The following TMCO5A variants were observed in gnomAD, a reference collection of about 807,000 sequenced individuals.
The protein encoded by TMCO5A is transmembrane and coiled-coil domain-containing protein 5A.
Under a neutral mutation model 42.3 loss-of-function variants are expected in TMCO5A, and 34 were observed. The ratio of observed to expected loss-of-function variants is 0.80; its 90% CI spans 0.61 to 1.07. The LOEUF (loss-of-function observed/expected upper bound fraction) is 1.07. Ranked by LOEUF, TMCO5A falls within the 50% of genes least tolerant of loss-of-function variation. TMCO5A has a pLI of 0.00. For missense variants in TMCO5A, 357 were observed against 327.9 expected, an observed-to-expected ratio of 1.09 and a Z score of -0.69; for synonymous variants, 131 against 115.6, an observed-to-expected ratio of 1.13 and a Z score of -0.86.
chr15:37,966,992 A>G (rs574598535), exon 12 of TMCO5A: 1 of 307,194 alleles, frequency 3.3e-6, no homozygotes, highest in Non-Finnish European at 6.0e-6. Context: ...GCAAAAGCAG[A>G]GGTCTACTTC....
At chr15:38,018,583 G>A in the TMCO5A span, among the ~76,000 whole-genome samples, 1 of 151,874 alleles carries the variant, frequency 6.6e-6, no homozygotes. Context: ...AGATGTAAAT[G>A]ATTAAAGATA....
At chr15:37,963,640 T>G (rs945388424) in intron 11 of TMCO5A, among the ~76,000 whole-genome samples, 5 of 152,168 alleles carry the variant, frequency 3.3e-5, no homozygotes, top group African/African-American at 1.2e-4. Flanking sequence ...TCTACTGCTG[T>G]CAGTGGAGTA....
intron 11 of TMCO5A, among the ~76,000 whole-genome samples, chr15:37,958,482 T>A (rs962416625): frequency 1.6e-4 from 24 of 152,002 alleles, no homozygotes; most frequent in Admixed American, 1.5e-3. Context: ...CCAACAAACA[T>A]GAAAAAAAGC....
the TMCO5A span, among the ~76,000 whole-genome samples, chr15:38,018,586 T>A: frequency 6.6e-6 from 1 of 151,962 alleles, no homozygotes; most frequent in South Asian, 2.1e-4. Flanking sequence ...TGTAAATGAT[T>A]AAAGATAAAT....
At chr15:38,031,604 T>A in the TMCO5A span, among the ~76,000 whole-genome samples, 2 of 152,126 alleles carry the variant, frequency 1.3e-5, no homozygotes, top group African/African-American at 4.8e-5. Flanking sequence ...CGGCCAACAG[T>A]CATACACCGG....
the TMCO5A span, among the ~76,000 whole-genome samples, chr15:37,996,978 G>C: frequency 2.6e-5 from 4 of 152,164 alleles, no homozygotes; most frequent in African/African-American, 9.7e-5. Flanking sequence ...TAACTGAGAA[G>C]GAAGAAACGA....
the TMCO5A span, among the ~76,000 whole-genome samples, chr15:37,985,966 G>A: frequency 7.2e-5 from 11 of 152,134 alleles, no homozygotes; most frequent in Admixed American, 2.0e-4. Context: ...ATGGTCCAGT[G>A]AAGGAAGTAA....
chr15:38,029,937 G>A, the TMCO5A span, among the ~76,000 whole-genome samples: 2 of 152,106 alleles, frequency 1.3e-5, no homozygotes, highest in East Asian at 3.9e-4. Flanking sequence ...GTAAGAAATC[G>A]CAGCTGATAA....
intron 7 of TMCO5A, 61 bp from the exon 8 acceptor site, chr15:37,941,610 A>G (rs1889744376): frequency 8.1e-7 from 1 of 1,230,416 alleles, no homozygotes; most frequent in Non-Finnish European, 1.2e-6. Flanking sequence ...GAAAACAAGT[A>G]TGCTTGTGTT....
At chr15:37,957,186 A>G (rs1890311606) in intron 11 of TMCO5A, among the ~76,000 whole-genome samples, 1 of 152,190 alleles carries the variant, frequency 6.6e-6, no homozygotes, top group African/African-American at 2.4e-5. Flanking sequence ...GGCACAAGAC[A>G]AGGCTGCCCT....
intron 11 of TMCO5A, among the ~76,000 whole-genome samples, chr15:37,950,104 A>C (rs1373970337): frequency 6.6e-6 from 1 of 152,188 alleles, no homozygotes; most frequent in African/African-American, 2.4e-5. Context: ...TTATGGTGTA[A>C]TCTAGGAAGC....
At chr15:38,019,080 C>T in the TMCO5A span, among the ~76,000 whole-genome samples, 2 of 151,962 alleles carry the variant, frequency 1.3e-5, no homozygotes, top group African/African-American at 2.4e-5. Context: ...AAAAGAGCCC[C>T]CAGAATGACT....
chr15:37,993,282 G>A, the TMCO5A span: 1 of 151,482 alleles, frequency 6.6e-6, no homozygotes, highest in Non-Finnish European at 1.5e-5. Flanking sequence ...TATGCTTGGT[G>A]ATGTTTCTTG....
intron 10 of TMCO5A, among the ~76,000 whole-genome samples, 173 bp from the exon 11 acceptor site, chr15:37,947,483 A>T (rs990958782): frequency 6.6e-6 from 1 of 152,066 alleles, no homozygotes; most frequent in Non-Finnish European, 1.5e-5. Flanking sequence ...AAATAACAAT[A>T]ATAATAAACA....
downstream of TMCO5A, among the ~76,000 whole-genome samples, chr15:37,969,517 G>C (rs978085081): frequency 4.5e-4 from 68 of 152,078 alleles, no homozygotes; most frequent in Admixed American, 6.6e-5. Context: ...CTGCCTTGAG[G>C]GTTTCCAATA....
downstream of TMCO5A, among the ~76,000 whole-genome samples, chr15:37,951,837 T>C (rs964664533): frequency 6.6e-6 from 1 of 152,084 alleles, no homozygotes; most frequent in African/African-American, 2.4e-5. Context: ...TTTAACTTCA[T>C]ATTGCTGAGA....
chr15:37,971,552 GA>G (rs964199954), downstream of TMCO5A, among the ~76,000 whole-genome samples: 1 of 152,136 alleles, frequency 6.6e-6, no homozygotes, highest in Non-Finnish European at 1.5e-5. Flanking sequence ...TTTCTCCTCA[GA>G]AAATGGGATT....
chr15:37,942,299 A>G lies in TMCO5A; in HGVS notation c.569+44A>G, dbSNP rs572765970. ...ACATCCTGGTTTTGGTAGAAACTCC[A>G]TCTCAGCCTGAGTCAGAGCAAACAG... On this transcript the variant is annotated intron_variant, in intron 9 of 11. Coordinates refer to ENST00000319669, the MANE Select transcript of TMCO5A (RefSeq NM_152453.4). The G allele has an allele frequency of 6.9e-6, 11 of 1,587,142 alleles. No homozygotes were observed. The African/African-American group carries it at 1.4e-4, about 20-fold the overall frequency.
At chr15:37,934,851 C>T (rs2937982) in intron 1 of TMCO5A, among the ~76,000 whole-genome samples, 157 bp downstream of exon 1, 152,087 of 152,278 alleles carry the variant, frequency 1, 75,949 homozygotes, top group Non-Finnish European at 1. Flanking sequence ...GCAAAGATTA[C>T]TTTTCAGGGA....
Sources: gnomAD v4.1 joint callset for allele counts (sites outside exome capture counted in the v4.1 genomes callset) on GRCh38, gnomAD v4.1.1 for gene constraint, MANE v1.5 for transcripts, NCBI Gene and HGNC (gene_info 2026-07-23, HGNC 2026-07-21) for gene names.